Variants in LARGE1 observed in about 807,000 individuals in gnomAD.
The protein encoded by LARGE1 is xylosyl- and glucuronyltransferase LARGE1.
In LARGE1, 43 loss-of-function variants were observed where a neutral mutation model predicts 87.6. That is an observed-to-expected ratio of 0.49 (90% CI 0.38 to 0.63). The LOEUF (loss-of-function observed/expected upper bound fraction) is 0.63, where lower values mean the gene tolerates loss of function less well. Among genes scored for constraint, LARGE1 ranks in the 30% least tolerant of loss-of-function variants. The pLI is 0.00. For synonymous variants in LARGE1, 434 were observed against 394.6 expected (o/e 1.10, Z -1.18); for missense variants, 802 against 1,000.2 (o/e 0.80, Z 2.67).
At chr22:33,111,802 T>C in the LARGE1 span, among the ~76,000 whole-genome samples, 1 of 152,202 alleles carries the variant, frequency 6.6e-6, no homozygotes, top group Admixed American at 6.5e-5. Context: ...TATAAATGCA[T>C]GAAATTACTG....
chr22:33,887,374 C>T (rs1001546324), intron 1 of LARGE1, among the ~76,000 whole-genome samples: 1 of 152,150 alleles, frequency 6.6e-6, no homozygotes, highest in Non-Finnish European at 1.5e-5. Context: ...CAGCAGGTGC[C>T]GAATCTGCTG....
the LARGE1 span, among the ~76,000 whole-genome samples, chr22:33,102,302 G>A: frequency 6.6e-6 from 1 of 151,898 alleles, no homozygotes; most frequent in Non-Finnish European, 1.5e-5. Context: ...CCGAGTAGCT[G>A]GGACTACAGG....
chr22:33,372,630 A>T (rs1188986478), intron 9 of LARGE1, among the ~76,000 whole-genome samples: 1 of 152,192 alleles, frequency 6.6e-6, no homozygotes. Context: ...CCCATGATTC[A>T]ATTATTTCCA....
At chr22:33,502,275 G>T (rs116864869) in intron 6 of LARGE1, among the ~76,000 whole-genome samples, 1 of 152,032 alleles carries the variant, frequency 6.6e-6, no homozygotes, top group Admixed American at 6.6e-5. Flanking sequence ...GTGAGCTGAG[G>T]TTGGAAAAAC....
intron 11 of LARGE1, among the ~76,000 whole-genome samples, chr22:33,255,431 C>T (rs1174857441): frequency 1.2e-4 from 18 of 152,194 alleles, no homozygotes; most frequent in Admixed American, 1.2e-3. Context: ...GCTTCCTCTG[C>T]TCTCTGGTAT....
intron 6 of LARGE1, among the ~76,000 whole-genome samples, chr22:33,514,688 A>G (rs1360640303): frequency 6.6e-6 from 1 of 152,234 alleles, no homozygotes; most frequent in African/African-American, 2.4e-5. Flanking sequence ...CCCTACGGAT[A>G]TGAAGGGACA....
chr22:33,297,147 CAT>C (rs763460511), intron 12 of LARGE1, among the ~76,000 whole-genome samples: 4 of 152,202 alleles, frequency 2.6e-5, no homozygotes, highest in Non-Finnish European at 2.9e-5. Context: ...GCTTTGTTCA[CAT>C]GTCTGCACTC....
At chr22:33,231,109 TA>T (rs1473670696) in intron 11 of LARGE1, among the ~76,000 whole-genome samples, 1 of 152,250 alleles carries the variant, frequency 6.6e-6, no homozygotes, top group Non-Finnish European at 1.5e-5. Context: ...ACTGTTTTAA[TA>T]AACAAAAACA....
Position 33,801,626 on chromosome 22 carries a change from C to T in LARGE1, c.-82-40068G>A, listed in dbSNP as rs554203701. Reference sequence around the variant, plus strand: ...TCCTCTGTCAAATGTGTCATTTACACACATTTCTCCCAGTCAGTGGCGTCT... The same window carrying T: ...TCCTCTGTCAAATGTGTCATTTACATACATTTCTCCCAGTCAGTGGCGTCT... On this transcript the variant is annotated intron_variant, in intron 1 of 14. Transcript: ENST00000397394. Among the ~76,000 whole-genome samples the T allele has an allele frequency of 3.3e-5, 5 of 152,274 alleles. No homozygotes were observed. The South Asian group carries it at 1.0e-3, about 32-fold the overall frequency.
intron 7 of LARGE1, among the ~76,000 whole-genome samples, chr22:33,422,141 C>A (rs1028021235): frequency 2.6e-5 from 4 of 152,224 alleles, no homozygotes; most frequent in African/African-American, 4.8e-5. Flanking sequence ...ACACCTCCAA[C>A]CTTCGACTTT....
chr22:33,285,287 A>G (rs1931308256), intron 12 of LARGE1, among the ~76,000 whole-genome samples: 1 of 152,130 alleles, frequency 6.6e-6, no homozygotes. Flanking sequence ...ATTGTAAGGC[A>G]TTTTGAAAAA....
downstream of LARGE1, among the ~76,000 whole-genome samples, chr22:33,269,787 T>C (rs577393006): frequency 1.1e-4 from 17 of 152,106 alleles, no homozygotes; most frequent in African/African-American, 3.6e-4. Context: ...GGGCGGATCA[T>C]GAGGTCAGGA....
chr22:33,345,671 T>C (rs570363768), intron 9 of LARGE1, among the ~76,000 whole-genome samples: 1 of 152,224 alleles, frequency 6.6e-6, no homozygotes, highest in South Asian at 2.1e-4. Context: ...CAGAAATTGA[T>C]TACTGTCCAG....
intron 1 of LARGE1, among the ~76,000 whole-genome samples, chr22:33,906,549 T>C (rs1172507241): frequency 6.6e-6 from 1 of 152,194 alleles, no homozygotes; most frequent in Non-Finnish European, 1.5e-5. Flanking sequence ...GGCATAATAC[T>C]TGTAAAGCAC....
intron 2 of LARGE1, among the ~76,000 whole-genome samples, chr22:33,681,976 T>G (rs753480200): frequency 6.6e-6 from 1 of 152,142 alleles, no homozygotes; most frequent in Admixed American, 6.5e-5. Flanking sequence ...GCCTAAATGA[T>G]GCACTTCTAC....
intron 1 of LARGE1, among the ~76,000 whole-genome samples, chr22:33,772,508 G>C (rs1355163270): frequency 6.6e-6 from 1 of 151,874 alleles, no homozygotes; most frequent in Admixed American, 6.6e-5. Context: ...CAGGGTCTTT[G>C]CAAGTGTGCT....
chr22:33,572,247 C>A, intron 5 of LARGE1: 2 of 1,269,254 alleles, frequency 1.6e-6, no homozygotes, highest in South Asian at 1.3e-5. Context: ...AGTCATTTGC[C>A]TTTCATGTTG....
At chr22:33,614,536 T>C (rs1258355504) in intron 4 of LARGE1, among the ~76,000 whole-genome samples, 1 of 152,020 alleles carries the variant, frequency 6.6e-6, no homozygotes, top group Non-Finnish European at 1.5e-5. Flanking sequence ...AAAGCTCATA[T>C]CTTCACACCC....
chr22:33,822,527 C>T (rs1379791795), intron 1 of LARGE1, among the ~76,000 whole-genome samples: 4 of 152,148 alleles, frequency 2.6e-5, no homozygotes, highest in Non-Finnish European at 5.9e-5. Flanking sequence ...GGTGAAGCCC[C>T]ATCTCTACTA....
Sources: allele counts gnomAD v4.1 joint callset (sites outside exome capture counted in the v4.1 genomes callset), GRCh38; gene constraint gnomAD v4.1.1; transcripts MANE v1.5; gene names NCBI Gene and HGNC (gene_info 2026-07-23, HGNC 2026-07-21).